ZCCHC7: variants seen among roughly 807,000 people sequenced by gnomAD.
ZCCHC7 encodes zinc finger CCHC-type containing 7, also known as zinc finger CCHC domain-containing protein 7.
ZCCHC7 carries 35 observed loss-of-function variants against 52.0 expected under a neutral mutation model. The observed-to-expected ratio is 0.67, with a 90% CI of 0.51 to 0.89. ZCCHC7 has a LOEUF of 0.89. ZCCHC7 is among the 40% of genes least tolerant of loss of function. The pLI is 0.00. For missense variants in ZCCHC7, 574 were observed against 649.1 expected (o/e 0.88, Z 1.26); for synonymous variants, 217 against 221.5 (o/e 0.98, Z 0.18).
intron 2 of ZCCHC7, among the ~76,000 whole-genome samples, chr9:37,152,839 C>CA (rs1820605405): frequency 6.6e-6 from 1 of 152,128 alleles, no homozygotes; most frequent in African/African-American, 2.4e-5. Flanking sequence ...GGAAGGAAGT[C>CA]ACTATACACA....
At chr9:37,125,088 T>C (rs1355507549) in intron 1 of ZCCHC7, among the ~76,000 whole-genome samples, 1 of 152,206 alleles carries the variant, frequency 6.6e-6, no homozygotes, top group African/African-American at 2.4e-5. Context: ...CTGACTCAAG[T>C]GATCCACCCG....
chr9:37,336,912 T>G (rs1830691136), intron 6 of ZCCHC7, among the ~76,000 whole-genome samples: 1 of 152,108 alleles, frequency 6.6e-6, no homozygotes, highest in Admixed American at 6.6e-5. Flanking sequence ...ACCAAGCCAT[T>G]TGTCCATCAT....
intron 2 of ZCCHC7, among the ~76,000 whole-genome samples, chr9:37,254,503 A>G (rs1365771221): frequency 6.6e-6 from 1 of 152,012 alleles, no homozygotes; most frequent in Non-Finnish European, 1.5e-5. Context: ...GGTGTTGACT[A>G]GAGAGCTCCA....
At chr9:37,142,663 T>C (rs1203543179) in intron 2 of ZCCHC7, among the ~76,000 whole-genome samples, 1 of 151,840 alleles carries the variant, frequency 6.6e-6, no homozygotes, top group African/African-American at 2.4e-5. Flanking sequence ...CCAATTAAAA[T>C]AATCTTTTGA....
chr9:37,302,298 CTT>C (rs1460767636), intron 3 of ZCCHC7, 67 bp downstream of exon 3: 1 of 1,311,328 alleles, frequency 7.6e-7, no homozygotes, highest in African/African-American at 1.5e-5. Context: ...ATTATGATAA[CTT>C]TTGGAACATT....
chr9:37,317,929 TGTATGATGGCACAA>T (rs1271652960), intron 5 of ZCCHC7, among the ~76,000 whole-genome samples: 1 of 150,144 alleles, frequency 6.7e-6, no homozygotes, highest in Non-Finnish European at 1.5e-5. Flanking sequence ...TTTTGTAATA[TGTATGATGGCACAA>T]TTATCTGTAA....
At chr9:37,244,884 A>C (rs1826018612) in intron 2 of ZCCHC7, among the ~76,000 whole-genome samples, 1 of 151,932 alleles carries the variant, frequency 6.6e-6, no homozygotes. Context: ...TAATTTCCCC[A>C]TAAGAAGCCT....
At chr9:37,218,395 G>A (rs1824626941) in intron 2 of ZCCHC7, among the ~76,000 whole-genome samples, 1 of 152,198 alleles carries the variant, frequency 6.6e-6, no homozygotes, top group East Asian at 1.9e-4. Context: ...CACACAATCA[G>A]GAGTGAAGTT....
At chr9:37,205,600 T>G (rs1490868263) in intron 2 of ZCCHC7, among the ~76,000 whole-genome samples, 9 of 152,190 alleles carry the variant, frequency 5.9e-5, no homozygotes, top group Non-Finnish European at 1.2e-4. Flanking sequence ...CACTGCAACC[T>G]CCACCTCTCA....
chr9:37,149,870 C>G (rs1442401837), intron 2 of ZCCHC7, among the ~76,000 whole-genome samples: 2 of 152,106 alleles, frequency 1.3e-5, no homozygotes, highest in African/African-American at 4.8e-5. Context: ...TTCTCATTTC[C>G]TGTGCACAGA....
intron 2 of ZCCHC7, among the ~76,000 whole-genome samples, chr9:37,207,197 C>T (rs963726036): frequency 6.6e-6 from 1 of 152,142 alleles, no homozygotes; most frequent in African/African-American, 2.4e-5. Context: ...CTTGTTACTC[C>T]ATCATAACTG....
Position 37,327,838 on chromosome 9 carries a change from A to G in ZCCHC7, c.987+4A>G. ...CTGGAGGCAGTATCACCTAACGGTG[A>G]GTAGAAACACCTTTTTTATTTTCCC... On this transcript the variant is annotated splice_donor_region_variant and intron_variant, in intron 6 of 8. Transcript: ENST00000336755. 1 of 1,612,962 alleles carries G rather than the reference A, an allele frequency of 6.2e-7. No individual in the cohort carries two copies. Among genetic ancestry groups the G allele is most frequent in the Non-Finnish European group, 8.5e-7 (1 of 1,179,200 alleles).
intron 2 of ZCCHC7, among the ~76,000 whole-genome samples, chr9:37,129,745 A>G (rs556400062): frequency 4.6e-5 from 7 of 152,352 alleles, no homozygotes; most frequent in Non-Finnish European, 8.8e-5. Flanking sequence ...ATGACATAAA[A>G]GAAAAGACTA....
chr9:37,157,472 A>G (rs1820876777), intron 2 of ZCCHC7, among the ~76,000 whole-genome samples: 1 of 152,162 alleles, frequency 6.6e-6, no homozygotes, highest in African/African-American at 2.4e-5. Context: ...AGCCTGGGTG[A>G]CAGAGTGAGA....
Position 37,211,880 on chromosome 9 carries a change from T to G in ZCCHC7, c.610+84938T>G, listed in dbSNP as rs140476551. 4.0e-3 allele frequency among the ~76,000 whole-genome samples: 601 copies of G among 151,636 alleles called. 4 individuals carry two copies. The highest frequency in any genetic ancestry group is 0.013 in the African/African-American group (541 of 41,420). ...CATCTCTACTAAAAATACAAAAAAT[T>G]AGCCGAGTGTAGTGGCAGGCGCCTG... On this transcript the variant is annotated intron_variant, in intron 2 of 8. Transcript: ENST00000336755.
In ZCCHC7 at chr9:37,301,070, CAG is replaced by C. The variant is rs1410114735; in HGVS notation, c.611-1115_611-1114del. On this transcript the variant is annotated intron_variant, in intron 2 of 8. Transcript: ENST00000336755. ...CTAACCCTATTAGTGAGATATTATT[CAG>C]AGTCTAATTTTTTTATTGTTATAAT... Among the ~76,000 whole-genome samples, 7 of 152,028 alleles carry C rather than the reference CAG, an allele frequency of 4.6e-5. No homozygotes were observed. In the South Asian group the frequency reaches 1.0e-3, roughly 23 times the overall value.
intron 2 of ZCCHC7, among the ~76,000 whole-genome samples, chr9:37,234,638 G>A (rs566694152): frequency 6.6e-6 from 1 of 152,340 alleles, no homozygotes; most frequent in Non-Finnish European, 1.5e-5. Context: ...ATGCTAAAGA[G>A]AGTAAATAGT....
intron 2 of ZCCHC7, among the ~76,000 whole-genome samples, chr9:37,216,924 T>A (rs2133240397): frequency 6.6e-6 from 1 of 152,180 alleles, no homozygotes; most frequent in East Asian, 1.9e-4. Flanking sequence ...TAATAATAAT[T>A]ATTAAATTTG....
intron 2 of ZCCHC7, among the ~76,000 whole-genome samples, chr9:37,176,244 T>C (rs559689993): frequency 4.6e-5 from 7 of 152,228 alleles, no homozygotes; most frequent in South Asian, 2.1e-4. Flanking sequence ...CTGGCTAATT[T>C]TTGTATTTTT....
Sources: gnomAD v4.1 joint callset for allele counts (sites outside exome capture counted in the v4.1 genomes callset) on GRCh38, gnomAD v4.1.1 for gene constraint, MANE v1.5 for transcripts, NCBI Gene and HGNC (gene_info 2026-07-23, HGNC 2026-07-21) for gene names.